Variants in RAB28 observed in about 807,000 individuals in gnomAD.
The protein encoded by RAB28 is RAB28, member RAS oncogene family.
Under a neutral mutation model 31.7 loss-of-function variants are expected in RAB28, and 24 were observed. The ratio of observed to expected loss-of-function variants is 0.76; its 90% CI spans 0.55 to 1.06. The LOEUF (loss-of-function observed/expected upper bound fraction) is 1.06, where lower values mean the gene tolerates loss of function less well. Among genes scored for constraint, RAB28 ranks in the 50% least tolerant of loss-of-function variants. RAB28 has a pLI of 0.00. For missense variants in RAB28, 254 were observed against 258.5 expected, an observed-to-expected ratio of 0.98 and a Z score of 0.12; for synonymous variants, 100 against 90.4, an observed-to-expected ratio of 1.11 and a Z score of -0.60.
At chr4:13,417,364 T>A (rs1712843675) in intron 4 of RAB28, among the ~76,000 whole-genome samples, 1 of 152,196 alleles carries the variant, frequency 6.6e-6, no homozygotes, top group Non-Finnish European at 1.5e-5. Flanking sequence ...AAGGTCCCTG[T>A]CTGACAGCTC....
At chr4:13,408,688 G>A (rs1221969975) in intron 4 of RAB28, among the ~76,000 whole-genome samples, 1 of 152,096 alleles carries the variant, frequency 6.6e-6, no homozygotes. Flanking sequence ...ACTAACAAGT[G>A]ATTGGCTGTA....
At chr4:13,396,028 A>G (rs886771898) in intron 4 of RAB28, among the ~76,000 whole-genome samples, 8 of 152,064 alleles carry the variant, frequency 5.3e-5, no homozygotes, top group Non-Finnish European at 1.0e-4. Flanking sequence ...AAAAAAAATT[A>G]AAATTATAAA....
chr4:13,457,614 A>G (rs1176312988), intron 4 of RAB28, among the ~76,000 whole-genome samples: 1 of 123,020 alleles, frequency 8.1e-6, no homozygotes, highest in African/African-American at 4.3e-5. Flanking sequence ...AAGAAAAAAG[A>G]AAAAAAAAAA....
At chr4:13,375,768 A>ACACACACACAC (rs1728894857) in intron 6 of RAB28, among the ~76,000 whole-genome samples, 8 of 148,068 alleles carry the variant, frequency 5.4e-5, no homozygotes, top group African/African-American at 2.0e-4. Flanking sequence ...ATTGTTTTAA[A>ACACACACACAC]ACACACACAC....
At chr4:13,430,315 G>T (rs570804389) in intron 4 of RAB28, among the ~76,000 whole-genome samples, 2 of 149,768 alleles carry the variant, frequency 1.3e-5, no homozygotes, top group East Asian at 3.9e-4. Flanking sequence ...CTAAAGGAGG[G>T]GAGCAGGATC....
At chr4:13,413,225 C>G (rs1191839112) in intron 4 of RAB28, among the ~76,000 whole-genome samples, 1 of 152,090 alleles carries the variant, frequency 6.6e-6, no homozygotes, top group East Asian at 1.9e-4. Context: ...TGTATCTTAT[C>G]TTGAAATCTA....
chr4:13,441,032 G>T (rs1714385554), intron 4 of RAB28, among the ~76,000 whole-genome samples: 1 of 151,872 alleles, frequency 6.6e-6, no homozygotes, highest in South Asian at 2.1e-4. Flanking sequence ...TAAGTGGGAA[G>T]GAAGGAAAAA....
In RAB28 at chr4:13,373,434, T is replaced by C. The variant is rs151226607; in HGVS notation, c.573+3111A>G. Among the ~76,000 whole-genome samples, 133 of 152,188 alleles carry C rather than the reference T, an allele frequency of 8.7e-4. 1 individual carries two copies. The East Asian group carries it at 0.024, about 28-fold the overall frequency. Reference sequence around the variant, plus strand: ...CAAATTGGGAATTGTGAAAAATGGATCTATAGTGTTCATTGTTTAAATGTT... The same window carrying C: ...CAAATTGGGAATTGTGAAAAATGGACCTATAGTGTTCATTGTTTAAATGTT... On this transcript the variant is annotated intron_variant, in intron 6 of 6. Coordinates refer to ENST00000330852, the MANE Select transcript of RAB28 (RefSeq NM_001017979.3).
intron 4 of RAB28, among the ~76,000 whole-genome samples, chr4:13,421,763 T>G (rs913139694): frequency 1.3e-5 from 2 of 152,128 alleles, no homozygotes; most frequent in South Asian, 4.1e-4. Context: ...AGATGGATTA[T>G]AGACTTAAAT....
chr4:13,475,283 T>C (rs1716302804), intron 2 of RAB28, among the ~76,000 whole-genome samples: 1 of 151,618 alleles, frequency 6.6e-6, no homozygotes, highest in Non-Finnish European at 1.5e-5. Flanking sequence ...TGAGTAAGCT[T>C]ACAAAAGCCA....
At chr4:13,428,550 C>G (rs1713635474) in intron 4 of RAB28, among the ~76,000 whole-genome samples, 1 of 152,108 alleles carries the variant, frequency 6.6e-6, no homozygotes. Flanking sequence ...AAGAGAGGCT[C>G]AACAGCAGAT....
At chr4:13,478,015 A>C (rs1716443544) in intron 2 of RAB28, among the ~76,000 whole-genome samples, 1 of 151,296 alleles carries the variant, frequency 6.6e-6, no homozygotes, top group African/African-American at 2.4e-5. Context: ...TTTCAAATTA[A>C]GCATCAAAAC....
At chr4:13,369,834 C>A in intron 6 of RAB28, 1 of 1,565,476 alleles carries the variant, frequency 6.4e-7, no homozygotes, top group Non-Finnish European at 8.7e-7. Flanking sequence ...TTCTCCCTTC[C>A]CACCTCCCCA....
chr4:13,427,579 T>C (rs570171130), intron 4 of RAB28, among the ~76,000 whole-genome samples: 2 of 151,962 alleles, frequency 1.3e-5, no homozygotes, highest in African/African-American at 4.8e-5. Flanking sequence ...TTACCAAAAA[T>C]GAGAGATCTA....
At chr4:13,402,269 T>C (rs1258014399) in intron 4 of RAB28, among the ~76,000 whole-genome samples, 2 of 152,232 alleles carry the variant, frequency 1.3e-5, no homozygotes, top group African/African-American at 2.4e-5. Flanking sequence ...ATGTTGTTCA[T>C]GCCTTCTATA....
At chr4:13,437,777 A>G (rs1213646603) in intron 4 of RAB28, among the ~76,000 whole-genome samples, 2 of 152,236 alleles carry the variant, frequency 1.3e-5, no homozygotes, top group Non-Finnish European at 2.9e-5. Context: ...ACCTCTACAG[A>G]AAACTGTACA....
chr4:13,462,225 C>T (rs535862137), intron 3 of RAB28, among the ~76,000 whole-genome samples: 2 of 152,160 alleles, frequency 1.3e-5, no homozygotes, highest in South Asian at 2.1e-4. Flanking sequence ...GACAGTTTGC[C>T]GTAATCTTTG....
At chr4:13,375,427 T>C (rs1392486443) in intron 6 of RAB28, among the ~76,000 whole-genome samples, 1 of 152,150 alleles carries the variant, frequency 6.6e-6, no homozygotes, top group African/African-American at 2.4e-5. Flanking sequence ...ACTCTCTAAC[T>C]AAGCAGAGAC....
intron 4 of RAB28, among the ~76,000 whole-genome samples, chr4:13,430,553 G>A (rs899559975): frequency 9.9e-5 from 15 of 152,162 alleles, no homozygotes; most frequent in Non-Finnish European, 1.9e-4. Flanking sequence ...TACTTACCGG[G>A]AATGGAGAAC....
Sources: gnomAD v4.1 joint callset for allele counts (sites outside exome capture counted in the v4.1 genomes callset) on GRCh38, gnomAD v4.1.1 for gene constraint, MANE v1.5 for transcripts, NCBI Gene and HGNC (gene_info 2026-07-23, HGNC 2026-07-21) for gene names.